The following LACRT variants were observed in gnomAD, a reference collection of about 807,000 sequenced individuals.
LACRT encodes extracellular glycoprotein lacritin.
In LACRT, 14 loss-of-function variants were observed where a neutral mutation model predicts 14.5. That is an observed-to-expected ratio of 0.96 (90% CI 0.64 to 1.51). The LOEUF (loss-of-function observed/expected upper bound fraction) is 1.51. LACRT is among the 40% of genes most tolerant of loss of function. The probability of loss-of-function intolerance (pLI) is 0.00; values close to 1 mark genes in which losing one functional copy is unlikely to be tolerated. For missense variants in LACRT, 156 were observed against 161.8 expected (o/e 0.96, Z 0.19); for synonymous variants, 70 against 63.5 (o/e 1.10, Z -0.48).
rs1378594982 is a variant in LACRT at position 54,633,177 on chromosome 12, C to T, written c.112+3G>A. 6.2e-7 allele frequency: 1 copy of T among 1,613,876 alleles called. No homozygotes were observed. The highest frequency in any genetic ancestry group is 1.3e-5 in the African/African-American group (1 of 75,020). On this transcript the variant is annotated splice_donor_region_variant and intron_variant, in intron 2 of 4. Transcript: ENST00000257867. ...CTAGGGCAGCAGGGAGAGGAGGACT[C>T]ACAGGTCCCAGCTTCCTGGGCAGGA...
At chr12:54,634,007 G>A (rs1200157527) in intron 1 of LACRT, among the ~76,000 whole-genome samples, 1 of 152,076 alleles carries the variant, frequency 6.6e-6, no homozygotes, top group Non-Finnish European at 1.5e-5. Context: ...AGATCCTGAT[G>A]TTCAAGGAAC....
chr12:54,634,818 G>A lies in LACRT; in HGVS notation c.24C>T (p.Phe8=), dbSNP rs753364824. ...CCAGGGCCCCTGCTACAGCTGCCAA[G>A]AAGAGGAGAGTGGTAAATTTCATTC... The part of the protein sequence containing the change: MKFTTLL[F]LAAVAGALVY... Residue 8 remains phenylalanine (F), a synonymous_variant, in exon 1 of 5, where the codon TTC becomes TTT. Transcript: ENST00000257867. 1.2e-6 allele frequency: 2 copies of A among 1,613,878 alleles called. No individual in the cohort carries two copies. The highest frequency in any genetic ancestry group is 1.1e-5 in the South Asian group (1 of 91,070).
chr12:54,631,833 A>C lies in LACRT; in HGVS notation c.260T>G (p.Ile87Arg), dbSNP rs577913876. 6.8e-6 allele frequency: 11 copies of C among 1,610,216 alleles called. No individual in the cohort carries two copies. In the South Asian group the frequency reaches 1.2e-4, roughly 18 times the overall value. Residue 87 changes from isoleucine (I) to arginine (R), a missense_variant, in exon 4 of 5, where the codon ATA (isoleucine) becomes AGA (arginine). Physicochemically the swap from Ile to Arg is moderately conservative, Grantham distance 97. Coordinates refer to ENST00000257867, the MANE Select transcript of LACRT (RefSeq NM_033277.2). ...SRQELNPLKS[I>R]VEKSILLTEQ... ...TGTTAGTAAGATACTTTTCTCCACT[A>C]TGGATTCTAATTTTGGAGCAGAACA...
intron 3 of LACRT, 90 bp downstream of exon 3, chr12:54,632,151 C>T (rs1958156148): frequency 1.4e-6 from 2 of 1,473,720 alleles, no homozygotes; most frequent in South Asian, 1.2e-5. Flanking sequence ...TGCTTCTCAC[C>T]AGGCTTATCT....
rs372483892 is a variant in LACRT at position 54,633,108 on chromosome 12, A to G, written c.112+72T>C. ...TCTCCTCCCACTGGCTTCTTCTCCC[A>G]GCCACCACTCACATCCCTAACTGTT... On this transcript the variant is annotated intron_variant, in intron 2 of 4. Coordinates refer to ENST00000257867, the MANE Select transcript of LACRT (RefSeq NM_033277.2). 151 of 1,451,002 alleles carry G rather than the reference A, an allele frequency of 1.0e-4. No homozygotes were observed. In the African/African-American group the frequency reaches 1.8e-3, roughly 17 times the overall value. 89.9% of individuals were successfully genotyped at this position (1,451,002 alleles called of 1,614,324 possible). A position where few individuals can be genotyped will look rare whatever the true frequency, so the allele number is the denominator to read the frequency against.
Sources: gnomAD v4.1 joint callset for allele counts (sites outside exome capture counted in the v4.1 genomes callset) on GRCh38, gnomAD v4.1.1 for gene constraint, MANE v1.5 for transcripts, NCBI Gene and HGNC (gene_info 2026-07-23, HGNC 2026-07-21) for gene names.